The following DGKB variants were observed in gnomAD, a reference collection of about 807,000 sequenced individuals.
DGKB encodes diacylglycerol kinase beta.
DGKB carries 67 observed loss-of-function variants against 114.3 expected under a neutral mutation model. The observed-to-expected ratio is 0.59, with a 90% CI of 0.48 to 0.72. DGKB has a LOEUF of 0.72. Among genes scored for constraint, DGKB ranks in the 30% least tolerant of loss-of-function variants. The pLI, the probability that DGKB is intolerant of heterozygous loss-of-function variation, is 0.00. For missense variants in DGKB, 907 were observed against 975.2 expected (o/e 0.93, Z 0.93); for synonymous variants, 398 against 323.1 (o/e 1.23, Z -2.49).
chr7:14,719,031 T>C (rs553361253), intron 5 of DGKB, among the ~76,000 whole-genome samples: 32 of 152,220 alleles, frequency 2.1e-4, no homozygotes, highest in African/African-American at 4.1e-4. Flanking sequence ...CAGCTATAAA[T>C]CATTTGGGAA....
chr7:14,963,568 T>C (rs1392997746), intron 1 of DGKB, among the ~76,000 whole-genome samples: 2 of 152,182 alleles, frequency 1.3e-5, no homozygotes, highest in Non-Finnish European at 2.9e-5. Flanking sequence ...GGTGTTTCCT[T>C]AAAAGTAAAT....
intron 13 of DGKB, among the ~76,000 whole-genome samples, chr7:14,633,225 G>T (rs1202871718): frequency 6.6e-6 from 1 of 151,886 alleles, no homozygotes; most frequent in Non-Finnish European, 1.5e-5. Flanking sequence ...ACAGAGGTTT[G>T]TCACTTCTTT....
intron 1 of DGKB, among the ~76,000 whole-genome samples, chr7:14,892,930 A>G (rs750369592): frequency 6.7e-6 from 1 of 150,066 alleles, no homozygotes; most frequent in Non-Finnish European, 1.5e-5. Context: ...ATACATATCT[A>G]TGTGTATATA....
intron 23 of DGKB, among the ~76,000 whole-genome samples, chr7:14,280,291 G>C (rs1253589744): frequency 3.3e-5 from 5 of 152,020 alleles, no homozygotes; most frequent in African/African-American, 4.8e-5. Context: ...GAAATGAAGC[G>C]AGAAGGAAAG....
chr7:14,573,814 A>G, intron 20 of DGKB, among the ~76,000 whole-genome samples: 1 of 152,122 alleles, frequency 6.6e-6, no homozygotes, highest in East Asian at 1.9e-4. Flanking sequence ...TAATGATTTT[A>G]TAAAATGCAT....
intron 1 of DGKB, among the ~76,000 whole-genome samples, chr7:14,869,464 A>T (rs1004818410): frequency 6.6e-6 from 1 of 152,190 alleles, no homozygotes; most frequent in Admixed American, 6.5e-5. Flanking sequence ...ATTAAGAAAC[A>T]TTCTTTGTAT....
chr7:14,187,409 T>C (rs1297629833), intron 23 of DGKB, among the ~76,000 whole-genome samples: 3 of 152,028 alleles, frequency 2.0e-5, no homozygotes, highest in African/African-American at 7.3e-5. Flanking sequence ...TCCCTGCAAA[T>C]ACCATTGCAG....
intron 21 of DGKB, among the ~76,000 whole-genome samples, chr7:14,346,297 G>C (rs1175142010): frequency 6.6e-6 from 1 of 151,782 alleles, no homozygotes; most frequent in East Asian, 1.9e-4. Context: ...TATTGGTTTG[G>C]AAAATGACAT....
intron 23 of DGKB, among the ~76,000 whole-genome samples, chr7:14,231,107 C>G (rs978001232): frequency 8.2e-6 from 1 of 122,454 alleles, no homozygotes; most frequent in Admixed American, 8.8e-5. Flanking sequence ...TTCTTTCTTT[C>G]TTTCTTTCTT....
intron 5 of DGKB, among the ~76,000 whole-genome samples, chr7:14,732,803 C>A (rs1395548203): frequency 6.6e-6 from 1 of 151,924 alleles, no homozygotes; most frequent in African/African-American, 2.4e-5. Context: ...CCTAATAAAT[C>A]TGGCATCTTC....
At chr7:14,323,347 A>G (rs1808152908) in intron 23 of DGKB, among the ~76,000 whole-genome samples, 1 of 152,178 alleles carries the variant, frequency 6.6e-6, no homozygotes, top group Non-Finnish European at 1.5e-5. Flanking sequence ...GAGTGGTTAC[A>G]TAGGTGTATT....
intron 20 of DGKB, among the ~76,000 whole-genome samples, chr7:14,526,240 G>A (rs1011653971): frequency 2.6e-5 from 4 of 152,080 alleles, no homozygotes; most frequent in South Asian, 2.1e-4. Flanking sequence ...AGTCTGAGCC[G>A]GATTCTTCGT....
At chr7:14,926,090 G>A (rs749234075) in intron 1 of DGKB, among the ~76,000 whole-genome samples, 4 of 151,888 alleles carry the variant, frequency 2.6e-5, no homozygotes, top group Non-Finnish European at 5.9e-5. Flanking sequence ...TTTGCAGGGA[G>A]TTTTTATCAT....
rs1445764918 is a variant in DGKB at position 14,398,148 on chromosome 7, CT to C, written c.1836-52758del. Among the ~76,000 whole-genome samples the C allele has an allele frequency of 2.0e-5, 3 of 152,134 alleles. No individual in the cohort carries two copies. In the East Asian group the frequency reaches 5.8e-4, roughly 29 times the overall value. ...TAAATATCTACTTTGATCTCATCCT[CT>C]TGAATGATTTCGATCAATGGTAATG... is the stretch of plus-strand genomic sequence containing the variant. On this transcript the variant is annotated intron_variant, in intron 21 of 25. Coordinates refer to ENST00000402815, the MANE Select transcript of DGKB (RefSeq NM_001350709.2).
At chr7:14,720,429 T>A (rs977323193) in intron 5 of DGKB, among the ~76,000 whole-genome samples, 4 of 151,810 alleles carry the variant, frequency 2.6e-5, no homozygotes, top group African/African-American at 9.7e-5. Flanking sequence ...CTCAGCCTCC[T>A]GAGTAGCTGG....
chr7:14,841,106 C>A, intron 2 of DGKB, 88 bp downstream of exon 2: 2 of 1,183,912 alleles, frequency 1.7e-6, no homozygotes, highest in Non-Finnish European at 2.4e-6. Context: ...CCATGAAGAA[C>A]AGGATCTATG....
chr7:14,948,140 A>G (rs183642940), intron 1 of DGKB, among the ~76,000 whole-genome samples: 24 of 151,958 alleles, frequency 1.6e-4, no homozygotes, highest in African/African-American at 4.8e-4. Flanking sequence ...AATGAAATTC[A>G]GGAGCAAGAA....
intron 1 of DGKB, among the ~76,000 whole-genome samples, chr7:14,853,641 G>T (rs1489760979): frequency 6.6e-6 from 1 of 151,704 alleles, no homozygotes; most frequent in Non-Finnish European, 1.5e-5. Flanking sequence ...CGGATGACGT[G>T]GTCAGGACAT....
intron 1 of DGKB, among the ~76,000 whole-genome samples, chr7:14,911,422 T>C (rs1433375124): frequency 6.6e-6 from 1 of 152,108 alleles, no homozygotes; most frequent in African/African-American, 2.4e-5. Flanking sequence ...TATTTATTAT[T>C]TTAAATATTT....
Sources: gnomAD v4.1 joint callset for allele counts (sites outside exome capture counted in the v4.1 genomes callset) on GRCh38, gnomAD v4.1.1 for gene constraint, MANE v1.5 for transcripts, NCBI Gene and HGNC (gene_info 2026-07-23, HGNC 2026-07-21) for gene names.